Variants in RBMS1 observed in about 807,000 individuals in gnomAD.
RBMS1 encodes the protein RNA binding motif single stranded interacting protein 1.
In RBMS1, 17 loss-of-function variants were observed where a neutral mutation model predicts 62.3. The ratio of observed to expected loss-of-function variants is 0.27; its 90% CI spans 0.19 to 0.41. The LOEUF (loss-of-function observed/expected upper bound fraction) is 0.41. RBMS1 is among the 10% of genes least tolerant of loss of function. The probability of loss-of-function intolerance (pLI) is 1.00; values close to 1 mark genes in which losing one functional copy is unlikely to be tolerated. For synonymous variants in RBMS1, 172 were observed against 170.0 expected (o/e 1.01, Z -0.09); for missense variants, 334 against 504.5 (o/e 0.66, Z 3.24).
intron 2 of RBMS1, among the ~76,000 whole-genome samples, chr2:160,345,450 A>G (rs1692124773): frequency 9.8e-6 from 1 of 102,454 alleles, no homozygotes; most frequent in Non-Finnish European, 2.4e-5. Flanking sequence ...CCTGAAGTAG[A>G]GATTAGAAAT....
chr2:160,435,498 G>A (rs372118511), intron 1 of RBMS1, among the ~76,000 whole-genome samples: 2 of 152,148 alleles, frequency 1.3e-5, no homozygotes, highest in African/African-American at 2.4e-5. Flanking sequence ...ATAAAGGAAC[G>A]ATTATATAGT....
chr2:160,332,987 T>C (rs938690163), intron 2 of RBMS1, among the ~76,000 whole-genome samples: 1 of 151,868 alleles, frequency 6.6e-6, no homozygotes, highest in African/African-American at 2.4e-5. Context: ...TACACACACA[T>C]ACATAAAATA....
At chr2:160,379,221 TAAA>T (rs74962367) in intron 1 of RBMS1, among the ~76,000 whole-genome samples, 2 of 143,092 alleles carry the variant, frequency 1.4e-5, no homozygotes. Context: ...GAACCTGTCT[TAAA>T]AAAAAAAAAA....
chr2:160,406,491 G>A (rs1468038543), intron 1 of RBMS1, among the ~76,000 whole-genome samples: 2 of 152,186 alleles, frequency 1.3e-5, no homozygotes, highest in African/African-American at 2.4e-5. Context: ...TTGTCTCAGT[G>A]GCTAAGGATG....
chr2:160,380,073 C>T (rs1405371093), intron 1 of RBMS1, among the ~76,000 whole-genome samples: 1 of 152,178 alleles, frequency 6.6e-6, no homozygotes, highest in Non-Finnish European at 1.5e-5. Flanking sequence ...ATTGTTATCC[C>T]AGATTAAACT....
intron 2 of RBMS1, among the ~76,000 whole-genome samples, chr2:160,344,122 CTTT>C (rs1224118755): frequency 6.6e-6 from 1 of 152,076 alleles, no homozygotes; most frequent in Non-Finnish European, 1.5e-5. Flanking sequence ...CATTTTCTTT[CTTT>C]TAACCTGAAA....
chr2:160,440,055 G>A (rs1277792495), intron 1 of RBMS1, among the ~76,000 whole-genome samples: 3 of 145,402 alleles, frequency 2.1e-5, no homozygotes, highest in Non-Finnish European at 4.6e-5. Flanking sequence ...GAAAGAGAGG[G>A]AGAGGGAGAC....
intron 6 of RBMS1, among the ~76,000 whole-genome samples, chr2:160,288,044 T>TTA (rs1688494437): frequency 6.9e-6 from 1 of 144,696 alleles, no homozygotes; most frequent in Non-Finnish European, 1.5e-5. Flanking sequence ...TCATTAGAGT[T>TTA]AAAAAAAAAA....
At chr2:160,386,846 G>A (rs1694607944) in intron 1 of RBMS1, among the ~76,000 whole-genome samples, 1 of 152,168 alleles carries the variant, frequency 6.6e-6, no homozygotes, top group Non-Finnish European at 1.5e-5. Context: ...AACCATTCAG[G>A]TCTTTTTATA....
chr2:160,493,010 T>TC (rs199720730), intron 1 of RBMS1: 30,652 of 380,102 alleles, frequency 0.081, 1,549 homozygotes, highest in South Asian at 0.1. Context: ...CCCACGACCC[T>TC]CCCCGCTGGC....
intron 1 of RBMS1, among the ~76,000 whole-genome samples, chr2:160,467,436 C>T (rs1156256547): frequency 3.9e-5 from 6 of 152,114 alleles, no homozygotes; most frequent in African/African-American, 7.2e-5. Context: ...GGAACAGTGA[C>T]GAAAGAAACT....
Position 160,493,533 on chromosome 2 carries a change from CTCCTCCTCT to C in RBMS1, c.-179_-171del, listed in dbSNP as rs1685959793. On this transcript the variant is annotated 5_prime_UTR_variant, in exon 1 of 14. Coordinates refer to ENST00000348849, the MANE Select transcript of RBMS1 (RefSeq NM_016836.4). ...GCCGGGACCAGACGTCCTCCTCCTCCTCCTCCTCTTCCTCCTCCTCCTCCTCCTCCTCCT... is the reference window on the plus strand; with the variant it reads ...GCCGGGACCAGACGTCCTCCTCCTCCTCCTCCTCCTCCTCCTCCTCCTCCT... 6.3e-6 allele frequency: 4 copies of C among 631,128 alleles called. No homozygotes were observed. The highest frequency in any genetic ancestry group is 1.1e-5 in the Non-Finnish European group (4 of 358,586). 39.1% of individuals were successfully genotyped at this position (631,128 alleles called of 1,614,324 possible). A position where few individuals can be genotyped will look rare whatever the true frequency, so the allele number is the denominator to read the frequency against.
intron 2 of RBMS1, among the ~76,000 whole-genome samples, chr2:160,327,910 G>A (rs1476964874): frequency 6.6e-6 from 1 of 152,186 alleles, no homozygotes; most frequent in Non-Finnish European, 1.5e-5. Flanking sequence ...TTTATGAACT[G>A]ACAATAATTA....
At chr2:160,343,094 C>T (rs1691971575) in intron 2 of RBMS1, among the ~76,000 whole-genome samples, 1 of 152,172 alleles carries the variant, frequency 6.6e-6, no homozygotes, top group African/African-American at 2.4e-5. Flanking sequence ...AGACCACATC[C>T]AGAAGAAGAC....
intron 2 of RBMS1, among the ~76,000 whole-genome samples, chr2:160,319,023 T>C (rs973181956): frequency 6.6e-6 from 1 of 152,212 alleles, no homozygotes; most frequent in Admixed American, 6.5e-5. Context: ...CTGGGGAATA[T>C]AGGAAAAATT....
chr2:160,303,526 G>T, intron 4 of RBMS1, 39 bp from the exon 5 acceptor site: 2 of 1,563,742 alleles, frequency 1.3e-6, no homozygotes, highest in Admixed American at 3.9e-5. Context: ...ATTTCCAACA[G>T]AAGGTGAGAT....
At chr2:160,353,927 G>T (rs1692655965) in intron 2 of RBMS1, among the ~76,000 whole-genome samples, 1 of 152,070 alleles carries the variant, frequency 6.6e-6, no homozygotes, top group Admixed American at 6.6e-5. Context: ...CTACGTTGCA[G>T]ATATTATGAT....
At chr2:160,351,299 A>G (rs928049507) in intron 2 of RBMS1, among the ~76,000 whole-genome samples, 2 of 152,092 alleles carry the variant, frequency 1.3e-5, no homozygotes, top group South Asian at 4.1e-4. Context: ...CACATTGTGT[A>G]CATGTACCCT....
At chr2:160,282,420 T>C (rs1007911232) in intron 9 of RBMS1, 14 of 786,280 alleles carry the variant, frequency 1.8e-5, no homozygotes, top group African/African-American at 8.9e-5. Flanking sequence ...TCAAATCCAA[T>C]TGCATAAGCT....
Sources: gnomAD v4.1 joint callset for allele counts (sites outside exome capture counted in the v4.1 genomes callset) on GRCh38, gnomAD v4.1.1 for gene constraint, MANE v1.5 for transcripts, NCBI Gene and HGNC (gene_info 2026-07-23, HGNC 2026-07-21) for gene names.